The following ADARB1 variants were observed in gnomAD, a reference collection of about 807,000 sequenced individuals.
ADARB1 encodes adenosine deaminase RNA specific B1.
Under a neutral mutation model 52.4 loss-of-function variants are expected in ADARB1, and 10 were observed. That is an observed-to-expected ratio of 0.19 (90% CI 0.12 to 0.32). ADARB1 has a LOEUF of 0.32. Ranked by LOEUF, ADARB1 falls within the 10% of genes least tolerant of loss-of-function variation. The pLI is 1.00. For missense variants in ADARB1, 643 were observed against 922.3 expected (o/e 0.70, Z 3.92); for synonymous variants, 349 against 371.1 (o/e 0.94, Z 0.68).
intron 1 of ADARB1, among the ~76,000 whole-genome samples, chr21:45,096,583 C>T (rs922577090): frequency 6.6e-6 from 1 of 152,172 alleles, no homozygotes; most frequent in Admixed American, 6.5e-5. Flanking sequence ...GCCTTCCCTC[C>T]AGAAGGAACT....
intron 2 of ADARB1, among the ~76,000 whole-genome samples, chr21:45,136,745 T>C (rs2089408602): frequency 6.6e-6 from 1 of 152,174 alleles, no homozygotes; most frequent in Non-Finnish European, 1.5e-5. Context: ...CCAGGTTGCT[T>C]GGTGTGTGCG....
chr21:45,109,908 C>G (rs2087456872), intron 1 of ADARB1, among the ~76,000 whole-genome samples: 1 of 152,178 alleles, frequency 6.6e-6, no homozygotes, highest in Non-Finnish European at 1.5e-5. Context: ...GCGCCTTTCT[C>G]TCTCTTTTTG....
In ADARB1 at chr21:45,172,241, C is replaced by T. The variant is rs2091511744; in HGVS notation, c.28+557C>T. On this transcript the variant is annotated intron_variant, in intron 3 of 10. Coordinates refer to ENST00000348831, the MANE Select transcript of ADARB1 (RefSeq NM_001112.4). This position sits in a 1 kb window ranked among gnomAD's most constrained non-coding sequence, Gnocchi z 4.4. ...CTGGTGCCGGGGTGGTGGAAGGCCG[C>T]TGGGGTACGTTGGTGTTTCGGTGAA... is the stretch of plus-strand genomic sequence containing the variant. Among the ~76,000 whole-genome samples, 1 of 152,096 alleles carries T rather than the reference C, an allele frequency of 6.6e-6. No homozygotes were observed. Among genetic ancestry groups the T allele is most frequent in the Non-Finnish European group, 1.5e-5 (1 of 67,998 alleles).
intron 1 of ADARB1, among the ~76,000 whole-genome samples, chr21:45,077,470 C>G (rs1229483390): frequency 6.6e-6 from 1 of 151,986 alleles, no homozygotes; most frequent in Non-Finnish European, 1.5e-5. Flanking sequence ...TCGAGACCAT[C>G]CTTGCTAACA....
Position 45,142,469 on chromosome 21 carries a change from T to C in ADARB1, c.-48+13896T>C, listed in dbSNP as rs549628970. The stretch of plus-strand genomic sequence containing the variant: ...AGAAATGTGTTTATGTAAAGAAATA[T>C]GTTACTTGACTTAATATTGTAAGGA... On this transcript the variant is annotated intron_variant, in intron 2 of 10. Transcript: ENST00000348831. This position sits in a 1 kb window ranked among gnomAD's most constrained non-coding sequence, Gnocchi z 4.0. 4.6e-5 allele frequency among the ~76,000 whole-genome samples: 7 copies of C among 152,384 alleles called. No individual in the cohort carries two copies. In the South Asian group the frequency reaches 1.2e-3, roughly 27 times the overall value.
At position 45,139,933 on chromosome 21, in the gene ADARB1, CTTTT is replaced by C. The variant is rs200847132; in HGVS notation, c.-48+11384_-48+11387del. On this transcript the variant is annotated intron_variant, in intron 2 of 10. Transcript: ENST00000348831. ...GGTAAAATGTACAGACAATAAAACTCTTTTTTTTTTTTTTTTTTTTTTTTTTTGA... is the reference window on the plus strand; with the variant it reads ...GGTAAAATGTACAGACAATAAAACTCTTTTTTTTTTTTTTTTTTTTTTTGA... Among the ~76,000 whole-genome samples, 434 of 84,796 alleles carry C rather than the reference CTTTT, an allele frequency of 5.1e-3. 3 individuals are homozygous for C. The highest frequency in any genetic ancestry group is 0.019 in the African/African-American group (408 of 21,628). The allele number at this position is 84,796 out of a possible 152,430, so 55.6% of individuals were successfully genotyped here.
Position 45,180,326 on chromosome 21 carries a change from A to G in ADARB1, c.964-4A>G. ...CCTAACCTGCATCTGTGCTTCCCAC[A>G]CAGGTTTTAGCTGACGCTGTCTCAC... On this transcript the variant is annotated splice_polypyrimidine_tract_variant and splice_region_variant and intron_variant, in intron 4 of 10. Transcript: ENST00000348831. 1 of 1,611,996 alleles carries G rather than the reference A, an allele frequency of 6.2e-7. No homozygotes were observed.
intron 2 of ADARB1, among the ~76,000 whole-genome samples, chr21:45,131,349 C>A (rs2068730998): frequency 6.6e-6 from 1 of 152,192 alleles, no homozygotes. Context: ...GTTCAGTCTT[C>A]CCTGTCTCTA....
chr21:45,077,879 T>C (rs904779617), intron 1 of ADARB1, among the ~76,000 whole-genome samples: 2 of 152,196 alleles, frequency 1.3e-5, no homozygotes, highest in Non-Finnish European at 2.9e-5. Flanking sequence ...CCTTATTCCT[T>C]GAGTGACTTT....
chr21:45,168,335 A>T (rs2091337420), intron 2 of ADARB1, among the ~76,000 whole-genome samples: 1 of 152,152 alleles, frequency 6.6e-6, no homozygotes, highest in South Asian at 2.1e-4. Context: ...CTTCCAGTTT[A>T]TCAGTTGTTT....
At position 45,106,743 on chromosome 21, in the gene ADARB1, G is replaced by T. The variant is rs148974377; in HGVS notation, c.-219-21659G>T. 9.6e-4 allele frequency among the ~76,000 whole-genome samples: 146 copies of T among 152,306 alleles called. 1 individual carries two copies. The highest frequency in any genetic ancestry group is 3.4e-3 in the African/African-American group (142 of 41,574). On this transcript the variant is annotated intron_variant, in intron 1 of 10. Coordinates refer to ENST00000348831, the MANE Select transcript of ADARB1 (RefSeq NM_001112.4). ...GAAGGTATTGTTGAGAACAAATACG[G>T]CTGGATGCACTTTTGGGGTGCAAAT...
At chr21:45,183,607 T>A (rs1239354029) in intron 7 of ADARB1, 97 bp downstream of exon 7, 4 of 1,391,010 alleles carry the variant, frequency 2.9e-6, no homozygotes, top group African/African-American at 3.0e-5. Flanking sequence ...TTTTTCTTTT[T>A]ATTTTTAGAC....
intron 1 of ADARB1, among the ~76,000 whole-genome samples, chr21:45,078,815 T>C (rs1442167665): frequency 2.6e-5 from 4 of 152,256 alleles, no homozygotes; most frequent in Non-Finnish European, 5.9e-5. Flanking sequence ...ACTCTGGCTG[T>C]TGGGCTTACA....
intron 8 of ADARB1, among the ~76,000 whole-genome samples, chr21:45,192,769 T>A (rs1478207058): frequency 6.6e-6 from 1 of 152,178 alleles, no homozygotes; most frequent in Non-Finnish European, 1.5e-5. Context: ...CCACAGATGC[T>A]ACAGATACTA....
At chr21:45,098,289 C>T (rs1429238139) in intron 1 of ADARB1, among the ~76,000 whole-genome samples, 1 of 152,220 alleles carries the variant, frequency 6.6e-6, no homozygotes, top group Non-Finnish European at 1.5e-5. Flanking sequence ...CCTTGGAGCA[C>T]TCTCCCAGGT....
chr21:45,181,198 A>G (rs1420660457), intron 5 of ADARB1, among the ~76,000 whole-genome samples: 1 of 152,216 alleles, frequency 6.6e-6, no homozygotes, highest in African/African-American at 2.4e-5. Flanking sequence ...TTCTCTGTCT[A>G]CATCCACCAG....
intron 2 of ADARB1, among the ~76,000 whole-genome samples, chr21:45,163,637 A>T (rs953194669): frequency 7.2e-5 from 11 of 152,236 alleles, no homozygotes; most frequent in African/African-American, 2.7e-4. Flanking sequence ...CCACAGCTCC[A>T]TCCACAGCAG....
Position 45,224,753 on chromosome 21 carries a change from CG to C in ADARB1, c.*2557del, listed in dbSNP as rs1485173726. ...GGGGCGGCTGTGGGGAGGAAGGTGA[CG>C]TGCAGGGGACCAGAGGCTCTGCACT... On this transcript the variant is annotated 3_prime_UTR_variant, in exon 11 of 11. Transcript: ENST00000348831. The C allele has an allele frequency of 1.1e-6, 1 of 928,344 alleles. No individual in the cohort carries two copies. Among genetic ancestry groups the C allele is most frequent in the Non-Finnish European group, 1.2e-6 (1 of 803,148 alleles). The allele number at this position is 928,344 out of a possible 1,614,324, so 57.5% of individuals were successfully genotyped here.
intron 2 of ADARB1, among the ~76,000 whole-genome samples, chr21:45,147,329 A>G (rs868452043): frequency 5.9e-5 from 9 of 152,354 alleles, no homozygotes; most frequent in South Asian, 2.1e-4. Flanking sequence ...TAATTAAAGA[A>G]CATTTATGTT....
Sources: gnomAD v4.1 joint callset for allele counts (sites outside exome capture counted in the v4.1 genomes callset) on GRCh38, gnomAD v4.1.1 for gene constraint, Gnocchi (gnomAD v3.1) non-coding constraint, MANE v1.5 for transcripts, NCBI Gene and HGNC (gene_info 2026-07-23, HGNC 2026-07-21) for gene names.